The following SEC16B variants were observed in gnomAD, a reference collection of about 807,000 sequenced individuals.
SEC16B encodes SEC16 homolog B, endoplasmic reticulum export factor.
In SEC16B, 115 loss-of-function variants were observed where a neutral mutation model predicts 141.8. The observed-to-expected ratio is 0.81, with a 90% CI of 0.70 to 0.95. The LOEUF is 0.95. Ranked by LOEUF, SEC16B falls within the 40% of genes least tolerant of loss-of-function variation. SEC16B has a pLI of 0.00. For synonymous variants in SEC16B, 493 were observed against 492.5 expected, an observed-to-expected ratio of 1.00 and a Z score of -0.01; for missense variants, 1,291 against 1,312.3, an observed-to-expected ratio of 0.98 and a Z score of 0.25.
chr1:177,934,888 C>T (rs910250490), intron 20 of SEC16B, among the ~76,000 whole-genome samples: 2 of 152,072 alleles, frequency 1.3e-5, no homozygotes, highest in Non-Finnish European at 2.9e-5. Context: ...GGGAATGATC[C>T]ACCAGAATGC....
At chr1:177,960,463 T>C in intron 7 of SEC16B, 60 bp from the exon 8 acceptor site, 1 of 1,186,904 alleles carries the variant, frequency 8.4e-7, no homozygotes, top group Non-Finnish European at 1.2e-6. Flanking sequence ...CCCCTTTCAG[T>C]CAAGTCTAGT....
intron 17 of SEC16B, 81 bp from the exon 18 acceptor site, chr1:177,939,858 AGCC>A: frequency 8.5e-7 from 1 of 1,180,316 alleles, no homozygotes. Context: ...TCAAAACTTA[AGCC>A]AAAAAGAAAC....
intron 20 of SEC16B, among the ~76,000 whole-genome samples, chr1:177,935,297 G>A (rs1382014393): frequency 1.3e-5 from 2 of 152,076 alleles, no homozygotes; most frequent in African/African-American, 4.8e-5. Flanking sequence ...ACAGGGTCTG[G>A]CACATTGTAG....
At chr1:177,948,251 C>A (rs1651886457) in intron 12 of SEC16B, 2 of 1,000,878 alleles carry the variant, frequency 2.0e-6, no homozygotes, top group Non-Finnish European at 1.3e-6. Context: ...GCCTGACCCC[C>A]AGATAGCTAG....
In SEC16B at chr1:177,964,201, C is replaced by T. The variant is rs1364060110; in HGVS notation, c.612G>A (p.Gly204=). The T allele has an allele frequency of 2.5e-6, 4 of 1,613,582 alleles. No homozygotes were observed. The highest frequency in any genetic ancestry group is 3.4e-6 in the Non-Finnish European group (4 of 1,179,676). ...GQEWPGELFP[G]SLLAEAQKNK... ...TTTTCTGGGCCTCAGCAAGCAGGCT[C>T]CCTGGAAACAGCTCCCCCGGCCACT... Residue 204 remains glycine (G), a synonymous_variant, in exon 5 of 26, where the codon GGG becomes GGA. Coordinates refer to ENST00000308284, the MANE Select transcript of SEC16B (RefSeq NM_033127.4).
chr1:177,964,962 G>A, intron 4 of SEC16B, 85 bp downstream of exon 4: 1 of 1,479,876 alleles, frequency 6.8e-7, no homozygotes, highest in Non-Finnish European at 9.2e-7. Flanking sequence ...GAGGTGAGAT[G>A]GCAGCATCAG....
At chr1:177,974,899 C>T (rs1363101026), upstream of SEC16B, among the ~76,000 whole-genome samples, 1 of 152,134 alleles carries the variant, frequency 6.6e-6, no homozygotes, top group Non-Finnish European at 1.5e-5. Flanking sequence ...GGATCCAGAG[C>T]ACAGGAACAA....
In SEC16B at chr1:177,932,544, T is replaced by C; in HGVS notation, c.2958A>G (p.Ala986=). The C allele has an allele frequency of 3.2e-6, 5 of 1,562,304 alleles. No homozygotes were observed. The highest frequency in any genetic ancestry group is 3.5e-6 in the Non-Finnish European group (4 of 1,153,882). ...GRGGGEGRGS[A]SSGGAAAGAG... is the part of the protein sequence containing the mutation. ...CGCCCGCAGCTGCTCCCCCGCTGGATGCGGATCCTCGGCCTTCACCCCCAC... is the reference window on the plus strand; with the variant it reads ...CGCCCGCAGCTGCTCCCCCGCTGGACGCGGATCCTCGGCCTTCACCCCCAC... Residue 986 remains alanine, a synonymous_variant, in exon 24 of 26, where the codon GCA becomes GCG. Coordinates refer to ENST00000308284, the MANE Select transcript of SEC16B (RefSeq NM_033127.4).
At chr1:177,964,736 T>C (rs908337544) in intron 4 of SEC16B, among the ~76,000 whole-genome samples, 1 of 152,222 alleles carries the variant, frequency 6.6e-6, no homozygotes, top group African/African-American at 2.4e-5. Flanking sequence ...TGAGAACTTT[T>C]GCTAGGCCAT....
rs901386003 is a variant in SEC16B at position 177,933,316 on chromosome 1, G to A, written c.2725-4C>T. 3 of 1,594,866 alleles carry A rather than the reference G, an allele frequency of 1.9e-6. No individual in the cohort carries two copies. Among genetic ancestry groups the A allele is most frequent in the Non-Finnish European group, 2.6e-6 (3 of 1,170,258 alleles). On this transcript the variant is annotated splice_polypyrimidine_tract_variant and splice_region_variant and intron_variant, in intron 21 of 25. Transcript: ENST00000308284. Reference sequence around the variant, plus strand: ...TGAACCAGCCAAACCCTGAGCTCTGGAAGGGGAAGAGGACATTTTATGACC... The same window carrying A: ...TGAACCAGCCAAACCCTGAGCTCTGAAAGGGGAAGAGGACATTTTATGACC...
Position 177,941,998 on chromosome 1 carries a change from G to A in SEC16B, c.1924C>T (p.Leu642Phe). The change falls in exon 16 of 26, where the codon CTC becomes TTC. Residue 642 changes from leucine to phenylalanine, a missense_variant. Leu to Phe is a conservative substitution (Grantham distance 22). Around this residue, in one of 3 missense-constraint regions of SEC16B, gnomAD observed 605 missense variants for 614.1 expected, o/e 0.99. Coordinates refer to ENST00000308284, the MANE Select transcript of SEC16B (RefSeq NM_033127.4). ...LYASRLADYG[L>F]VSQALHYCEA... Reference sequence around the variant, plus strand: ...CAGTAATGCAAAGCCTGGGACACGAGGCCATAATCTGCCAGACGGGAAGCA... The same window carrying A: ...CAGTAATGCAAAGCCTGGGACACGAAGCCATAATCTGCCAGACGGGAAGCA... 1 of 1,613,976 alleles carries A rather than the reference G, an allele frequency of 6.2e-7. No homozygotes were observed. The highest frequency in any genetic ancestry group is 8.5e-7 in the Non-Finnish European group (1 of 1,179,868).
At chr1:177,934,858 A>G (rs906063988) in intron 20 of SEC16B, among the ~76,000 whole-genome samples, 1 of 152,152 alleles carries the variant, frequency 6.6e-6, no homozygotes, top group African/African-American at 2.4e-5. Context: ...CGCAACACTC[A>G]CAATGATTAA....
At chr1:177,942,625 G>A (rs1001215723) in intron 15 of SEC16B, among the ~76,000 whole-genome samples, 5 of 152,056 alleles carry the variant, frequency 3.3e-5, no homozygotes, top group Admixed American at 2.0e-4. Flanking sequence ...CCGAGATCAT[G>A]CCACTGCCCT....
intron 3 of SEC16B, 116 bp downstream of exon 3, chr1:177,965,777 C>T: frequency 1.6e-6 from 1 of 620,006 alleles, no homozygotes; most frequent in Non-Finnish European, 2.8e-6. Context: ...CTCGTCTGGC[C>T]AAGAAAGGAT....
intron 1 of SEC16B, among the ~76,000 whole-genome samples, chr1:177,981,066 C>T (rs1283605806): frequency 2.6e-5 from 4 of 151,902 alleles, no homozygotes; most frequent in Non-Finnish European, 5.9e-5. Flanking sequence ...ATGGCAGGTA[C>T]TCAGCATAAG....
Position 177,941,918 on chromosome 1 carries a change from T to C in SEC16B, c.2004A>G (p.Leu668=), listed in dbSNP as rs1361044629. The C allele has an allele frequency of 4.3e-6, 7 of 1,613,970 alleles. No individual in the cohort carries two copies. Among genetic ancestry groups the C allele is most frequent in the Non-Finnish European group, 5.9e-6 (7 of 1,179,862 alleles). Residue 668 remains leucine, a synonymous_variant, in exon 16 of 26, where the codon CTA becomes CTG. Transcript: ENST00000308284. ...GGCTCACCTTGATGAGTTCCACTAA[T>C]AGCACAGGGTGACTGCTCTCTCCCT... ...LSQGESSHPV[L]LVELIKLAEK...
chr1:177,983,237 G>A (rs1353738419), intron 1 of SEC16B, among the ~76,000 whole-genome samples: 1 of 152,198 alleles, frequency 6.6e-6, no homozygotes, highest in African/African-American at 2.4e-5. Context: ...GAAGCCCAGA[G>A]TGCCATATGG....
intron 17 of SEC16B, 115 bp downstream of exon 17, chr1:177,940,495 G>A (rs926208767): frequency 4.2e-5 from 29 of 686,574 alleles, no homozygotes; most frequent in South Asian, 8.7e-5. Context: ...AGACCAGGGT[G>A]AGGCATGGGG....
In SEC16B at chr1:177,961,644, C is replaced by A; in HGVS notation, c.733G>T (p.Ala245Ser). ...GCTGGGGGATCATCCCGCTCCGGGG[C>A]ATCTCTGATGTACTGACTGAGCTCA... ...SYELSQYIRDAPERDDPPASA... is the reference protein window; with the variant it reads ...SYELSQYIRDSPERDDPPASA... Residue 245 changes from alanine (A) to serine (S), a missense_variant, in exon 6 of 26, where the codon GCC (alanine) becomes TCC (serine). Coordinates refer to ENST00000308284, the MANE Select transcript of SEC16B (RefSeq NM_033127.4). 6.2e-6 allele frequency: 10 copies of A among 1,613,990 alleles called. No homozygotes were observed. Among genetic ancestry groups the A allele is most frequent in the Non-Finnish European group, 8.5e-6 (10 of 1,179,876 alleles).
Sources: gnomAD v4.1 joint callset for allele counts (sites outside exome capture counted in the v4.1 genomes callset) on GRCh38, gnomAD v4.1.1 for gene constraint, gnomAD v4.1.1 regional missense constraint, MANE v1.5 for transcripts, NCBI Gene and HGNC (gene_info 2026-07-23, HGNC 2026-07-21) for gene names.